RAD23B: variants seen among roughly 807,000 people sequenced by gnomAD.
RAD23B encodes lysine-specific demethylase RAD23B.
A neutral mutation model predicts 49.1 loss-of-function variants in RAD23B; 5 were observed. That is an observed-to-expected ratio of 0.10 (90% CI 0.05 to 0.21). The LOEUF (loss-of-function observed/expected upper bound fraction) is 0.21. RAD23B is among the 10% of genes least tolerant of loss of function. The pLI, the probability that RAD23B is intolerant of heterozygous loss-of-function variation, is 1.00. For missense variants in RAD23B, 356 were observed against 486.7 expected, an observed-to-expected ratio of 0.73 and a Z score of 2.53; for synonymous variants, 184 against 165.4, an observed-to-expected ratio of 1.11 and a Z score of -0.86.
chr9:107,284,299 C>G, intron 1 of RAD23B: 1 of 890,262 alleles, frequency 1.1e-6, no homozygotes, highest in Non-Finnish European at 1.3e-6. Context: ...CACACCCTTG[C>G]GTAGATTGCA....
chr9:107,312,091 A>G (rs7847357), intron 5 of RAD23B, among the ~76,000 whole-genome samples: 1 of 152,170 alleles, frequency 6.6e-6, no homozygotes, highest in African/African-American at 2.4e-5. Context: ...CTCACACTTC[A>G]TGTGTATTCA....
intron 9 of RAD23B, among the ~76,000 whole-genome samples, chr9:107,327,528 T>G (rs1206678629): frequency 6.6e-6 from 1 of 152,218 alleles, no homozygotes; most frequent in Non-Finnish European, 1.5e-5. Context: ...ATTTAATTCA[T>G]TCGTTATTTA....
chr9:107,306,066 T>G (rs780955940), intron 3 of RAD23B, among the ~76,000 whole-genome samples: 39 of 124,590 alleles, frequency 3.1e-4, no homozygotes, highest in South Asian at 1.4e-3. Flanking sequence ...TATATATATA[T>G]ATATATCTAT....
chr9:107,322,495 AT>A (rs1407231984), intron 7 of RAD23B, among the ~76,000 whole-genome samples: 2 of 152,208 alleles, frequency 1.3e-5, no homozygotes, highest in African/African-American at 4.8e-5. Flanking sequence ...AGCCAGCAGG[AT>A]TTTAGTAATT....
chr9:107,285,502 T>A (rs1474229646), intron 1 of RAD23B, among the ~76,000 whole-genome samples: 4 of 152,234 alleles, frequency 2.6e-5, no homozygotes, highest in African/African-American at 9.6e-5. Context: ...ACAGCTCCAC[T>A]GAAGTATTTA....
chr9:107,331,544 T>C lies in RAD23B; in HGVS notation c.*1888T>C. Reference sequence around the variant, plus strand: ...GATCATGCATAATTTCTCAGGAGAATAAAATGAGAATTCATATATACGTTC... The same window carrying C: ...GATCATGCATAATTTCTCAGGAGAACAAAATGAGAATTCATATATACGTTC... On this transcript the variant is annotated 3_prime_UTR_variant, in exon 10 of 10. Coordinates refer to ENST00000358015, the MANE Select transcript of RAD23B (RefSeq NM_002874.5). 1.6e-6 allele frequency: 1 copy of C among 624,100 alleles called. No homozygotes were observed. Among genetic ancestry groups the C allele is most frequent in the Non-Finnish European group, 2.9e-6 (1 of 348,560 alleles). 38.7% of individuals were successfully genotyped at this position (624,100 alleles called of 1,614,324 possible).
Position 107,302,133 on chromosome 9 carries a change from C to G in RAD23B, c.228+19C>G. Reference sequence around the variant, plus strand: ...GACCAAAGTAAGTTTCAACCTCATTCTGTATATCTTTATGCATGTAGGTCT... The same window carrying G: ...GACCAAAGTAAGTTTCAACCTCATTGTGTATATCTTTATGCATGTAGGTCT... On this transcript the variant is annotated intron_variant, in intron 3 of 9. Coordinates refer to ENST00000358015, the MANE Select transcript of RAD23B (RefSeq NM_002874.5). 1 of 1,611,130 alleles carries G rather than the reference C, an allele frequency of 6.2e-7. No individual in the cohort carries two copies. The highest frequency in any genetic ancestry group is 8.5e-7 in the Non-Finnish European group (1 of 1,179,234).
At chr9:107,292,435 C>T (rs759417144) in intron 1 of RAD23B, among the ~76,000 whole-genome samples, 1 of 152,086 alleles carries the variant, frequency 6.6e-6, no homozygotes, top group Non-Finnish European at 1.5e-5. Context: ...AATCCCAGCA[C>T]TTTGGGAGGC....
Position 107,318,607 on chromosome 9 carries a change from A to C in RAD23B, c.554-145A>C, listed in dbSNP as rs1231851517. ...TCTTTGGGGGACCATTACCTACTAC[A>C]TATATGTTGTAATTTATACTGTTAC... On this transcript the variant is annotated intron_variant, in intron 5 of 9. Coordinates refer to ENST00000358015, the MANE Select transcript of RAD23B (RefSeq NM_002874.5). The surrounding 1 kb of genome is among the most constrained non-coding windows in gnomAD (Gnocchi z 4.3). The C allele has an allele frequency of 1.1e-6, 1 of 873,816 alleles. No homozygotes were observed. Among genetic ancestry groups the C allele is most frequent in the African/African-American group, 1.7e-5 (1 of 58,564 alleles). 54.1% of individuals were successfully genotyped at this position (873,816 alleles called of 1,614,324 possible). A position where few individuals can be genotyped will look rare whatever the true frequency, so the allele number is the denominator to read the frequency against.
intron 4 of RAD23B, among the ~76,000 whole-genome samples, chr9:107,308,598 G>C (rs1384705535): frequency 6.6e-6 from 1 of 152,156 alleles, no homozygotes; most frequent in Non-Finnish European, 1.5e-5. Flanking sequence ...TATCTTTTCA[G>C]ACCTTTTCAG....
At chr9:107,307,777 C>G (rs1267178483) in intron 4 of RAD23B, among the ~76,000 whole-genome samples, 1 of 152,132 alleles carries the variant, frequency 6.6e-6, no homozygotes, top group Non-Finnish European at 1.5e-5. Flanking sequence ...GGGTCTCTTT[C>G]TAAATAATTG....
Position 107,323,093 on chromosome 9 carries a change from C to A in RAD23B, c.818-797C>A, listed in dbSNP as rs1351430227. On this transcript the variant is annotated intron_variant, in intron 7 of 9. Transcript: ENST00000358015. ...AAAATTCTCTTTTATTCATTAGTAA[C>A]CTCAAAAACAATTCCTGTATGTACG... Among the ~76,000 whole-genome samples, 3 of 152,174 alleles carry A rather than the reference C, an allele frequency of 2.0e-5. No homozygotes were observed. The East Asian group carries it at 5.8e-4, about 29-fold the overall frequency.
intron 9 of RAD23B, among the ~76,000 whole-genome samples, chr9:107,326,874 C>G (rs926172585): frequency 6.6e-6 from 1 of 151,776 alleles, no homozygotes; most frequent in African/African-American, 2.4e-5. Flanking sequence ...CTCATGACTT[C>G]GTGATCCACC....
Position 107,284,869 on chromosome 9 carries a change from A to G in RAD23B, c.66+1174A>G, listed in dbSNP as rs148568688. 306 of 1,246,936 alleles carry G rather than the reference A, an allele frequency of 2.5e-4. No homozygotes were observed. In the African/African-American group the frequency reaches 4.1e-3, roughly 17 times the overall value. The allele number at this position is 1,246,936 out of a possible 1,614,324, so 77.2% of individuals were successfully genotyped here. A position where few individuals can be genotyped will look rare whatever the true frequency, so the allele number is the denominator to read the frequency against. On this transcript the variant is annotated intron_variant, in intron 1 of 9. Transcript: ENST00000358015. ...AATTACGGTTAGTTTCATTCTCTGTATAATAGGGATAATACCTGCCTTGCA... is the reference window on the plus strand; with the variant it reads ...AATTACGGTTAGTTTCATTCTCTGTGTAATAGGGATAATACCTGCCTTGCA...
intron 3 of RAD23B, among the ~76,000 whole-genome samples, chr9:107,303,983 T>C (rs1293846167): frequency 1.3e-5 from 2 of 152,190 alleles, no homozygotes; most frequent in Non-Finnish European, 2.9e-5. Context: ...AGTCTTTTAT[T>C]CCTAATATTA....
intron 1 of RAD23B, among the ~76,000 whole-genome samples, chr9:107,295,279 GTGTT>G (rs1204027331): frequency 2.0e-5 from 3 of 152,104 alleles, no homozygotes; most frequent in Non-Finnish European, 2.9e-5. Flanking sequence ...TGATTGTTAA[GTGTT>G]TGTTTTTAAA....
intron 6 of RAD23B, among the ~76,000 whole-genome samples, chr9:107,320,450 T>C (rs907021884): frequency 6.6e-6 from 1 of 152,252 alleles, no homozygotes; most frequent in African/African-American, 2.4e-5. Context: ...AGAATCATTG[T>C]TACCAAATGC....
chr9:107,309,336 A>G (rs1257707020), intron 4 of RAD23B, among the ~76,000 whole-genome samples: 2 of 152,246 alleles, frequency 1.3e-5, no homozygotes, highest in Admixed American at 6.5e-5. Flanking sequence ...TATGTAATGT[A>G]TAAGCATGTT....
chr9:107,326,049 C>G (rs1362471320), intron 9 of RAD23B, among the ~76,000 whole-genome samples: 3 of 152,038 alleles, frequency 2.0e-5, no homozygotes, highest in African/African-American at 7.2e-5. Context: ...TTGAACCAAC[C>G]TTGCATTTCT....
Sources: gnomAD v4.1 joint callset for allele counts (sites outside exome capture counted in the v4.1 genomes callset) on GRCh38, gnomAD v4.1.1 for gene constraint, Gnocchi (gnomAD v3.1) non-coding constraint, MANE v1.5 for transcripts, NCBI Gene and HGNC (gene_info 2026-07-23, HGNC 2026-07-21) for gene names.